Variants in METAP1 observed in about 807,000 individuals in gnomAD.
METAP1 encodes the protein methionyl aminopeptidase 1, also known as methionine aminopeptidase 1.
A neutral mutation model predicts 53.8 loss-of-function variants in METAP1; 28 were observed. The observed-to-expected ratio is 0.52, with a 90% confidence interval of 0.39 to 0.71. The LOEUF is 0.71. METAP1 is among the 30% of genes least tolerant of loss of function. The pLI is 0.00. For synonymous variants in METAP1, 181 were observed against 165.7 expected (o/e 1.09, Z -0.71); for missense variants, 389 against 479.8 (o/e 0.81, Z 1.77).
intron 6 of METAP1, among the ~76,000 whole-genome samples, chr4:99,042,191 A>G (rs1300370361): frequency 2.0e-5 from 3 of 151,990 alleles, no homozygotes; most frequent in Non-Finnish European, 4.4e-5. Flanking sequence ...GCTCTGAACT[A>G]TTATTTGTAA....
rs1247573301 is a variant in METAP1 at position 99,062,195 on chromosome 4, A to C, written c.*878A>C. On this transcript the variant is annotated 3_prime_UTR_variant, in exon 11 of 11. Transcript: ENST00000296411. ...GGCATACCTTGGAGGTGCTCAGAGA[A>C]GCGTGAAGTTTGCACTATGGTGGAG... The C allele has an allele frequency of 6.6e-6, 1 of 152,200 alleles. No homozygotes were observed. Among genetic ancestry groups the C allele is most frequent in the Non-Finnish European group, 1.5e-5 (1 of 68,042 alleles). The allele number at this position is 152,200 out of a possible 1,614,324, so 9.4% of individuals were successfully genotyped here. A position where few individuals can be genotyped will look rare whatever the true frequency, so the allele number is the denominator to read the frequency against.
chr4:99,039,333 T>G (rs747134001), intron 4 of METAP1, 41 bp from the exon 5 acceptor site: 5 of 1,159,612 alleles, frequency 4.3e-6, no homozygotes, highest in Non-Finnish European at 6.5e-6. Flanking sequence ...TACTACATCT[T>G]TGCATTCATT....
At chr4:99,000,160 A>G (rs1393232918) in intron 1 of METAP1, among the ~76,000 whole-genome samples, 2 of 152,130 alleles carry the variant, frequency 1.3e-5, no homozygotes, top group African/African-American at 4.8e-5. Context: ...TTGTTGATAC[A>G]CTCATTTATT....
At chr4:99,032,954 GTATAAA>G (rs1329359005) in intron 2 of METAP1, among the ~76,000 whole-genome samples, 3 of 152,112 alleles carry the variant, frequency 2.0e-5, no homozygotes, top group Non-Finnish European at 4.4e-5. Flanking sequence ...ATATGTGATA[GTATAAA>G]TATATTCTTT....
chr4:99,053,774 C>A (rs1035717786), intron 9 of METAP1, among the ~76,000 whole-genome samples: 2 of 152,120 alleles, frequency 1.3e-5, no homozygotes, highest in African/African-American at 4.8e-5. Context: ...CCTTGTACAT[C>A]TCTGTTAGAG....
intron 1 of METAP1, among the ~76,000 whole-genome samples, chr4:99,010,718 A>G (rs2110286067): frequency 6.6e-6 from 1 of 152,170 alleles, no homozygotes; most frequent in East Asian, 1.9e-4. Flanking sequence ...TGCCATTGGG[A>G]TTTGGTGAGG....
chr4:99,061,106 T>G (rs568241453), intron 10 of METAP1, 48 bp from the exon 11 acceptor site: 1 of 1,580,850 alleles, frequency 6.3e-7, no homozygotes, highest in African/African-American at 1.4e-5. Flanking sequence ...TTGATAGAGT[T>G]CATTTAGAAA....
chr4:99,058,383 C>T (rs1198260969), intron 10 of METAP1, among the ~76,000 whole-genome samples: 1 of 152,082 alleles, frequency 6.6e-6, no homozygotes, highest in South Asian at 2.1e-4. Context: ...CATGTCATCA[C>T]GTGGCATCAT....
intron 10 of METAP1, among the ~76,000 whole-genome samples, chr4:99,059,995 CTG>C (rs551670811): frequency 1.7e-4 from 26 of 152,314 alleles, no homozygotes; most frequent in Non-Finnish European, 1.9e-4. Flanking sequence ...TGTAATAAAA[CTG>C]TAAACATTTA....
chr4:99,021,396 G>T (rs1414461474), intron 1 of METAP1, among the ~76,000 whole-genome samples: 1 of 152,084 alleles, frequency 6.6e-6, no homozygotes, highest in Non-Finnish European at 1.5e-5. Context: ...CCTCTTACTG[G>T]GTGAGCCCTG....
intron 2 of METAP1, 61 bp from the exon 3 acceptor site, chr4:99,034,169 C>A (rs1725263875): frequency 9.6e-7 from 1 of 1,042,172 alleles, no homozygotes; most frequent in Non-Finnish European, 1.5e-6. Context: ...AGCTTGACCA[C>A]TGAAACATTC....
intron 1 of METAP1, chr4:99,026,645 C>T: frequency 3.0e-6 from 3 of 985,324 alleles, no homozygotes; most frequent in Non-Finnish European, 3.6e-6. Context: ...ATTAACTCTT[C>T]AGAGAATGGA....
intron 4 of METAP1, among the ~76,000 whole-genome samples, chr4:99,038,469 T>C (rs1383377835): frequency 6.6e-6 from 1 of 152,078 alleles, no homozygotes; most frequent in African/African-American, 2.4e-5. Flanking sequence ...GAATGATGAA[T>C]TGGATGAATA....
chr4:98,997,232 G>A (rs901120207), intron 1 of METAP1, among the ~76,000 whole-genome samples: 5 of 152,132 alleles, frequency 3.3e-5, no homozygotes, highest in Non-Finnish European at 4.4e-5. Flanking sequence ...CAATCTTTAC[G>A]TCACAATATT....
chr4:99,058,355 C>T (rs1452334647), intron 10 of METAP1, among the ~76,000 whole-genome samples: 2 of 152,066 alleles, frequency 1.3e-5, no homozygotes, highest in Non-Finnish European at 2.9e-5. Flanking sequence ...GCTGTTCTGA[C>T]CCTTCATGGT....
intron 1 of METAP1, among the ~76,000 whole-genome samples, chr4:99,015,365 T>C (rs1022672210): frequency 5.9e-5 from 9 of 152,184 alleles, no homozygotes; most frequent in Admixed American, 2.6e-4. Flanking sequence ...GGAGAAGGCG[T>C]ATTTCAAACC....
At position 99,048,929 on chromosome 4, in the gene METAP1, T is replaced by G; in HGVS notation, c.931+53T>G. The G allele has an allele frequency of 1.9e-6, 3 of 1,565,952 alleles. No homozygotes were observed. In the South Asian group the frequency reaches 3.4e-5, roughly 18 times the overall value. ...AGCTCACCATTTATTCAACAAATACTTATTCATACATTTAACAGTACCTAC... is the reference window on the plus strand; with the variant it reads ...AGCTCACCATTTATTCAACAAATACGTATTCATACATTTAACAGTACCTAC... On this transcript the variant is annotated intron_variant, in intron 9 of 10. Coordinates refer to ENST00000296411, the MANE Select transcript of METAP1 (RefSeq NM_015143.3).
chr4:99,033,615 G>A (rs1428926673), intron 2 of METAP1, among the ~76,000 whole-genome samples: 1 of 152,122 alleles, frequency 6.6e-6, no homozygotes, highest in Non-Finnish European at 1.5e-5. Context: ...TAAACAGACC[G>A]TTCCCTCCCT....
intron 1 of METAP1, among the ~76,000 whole-genome samples, chr4:99,009,595 T>A (rs996239286): frequency 1.6e-4 from 24 of 152,240 alleles, no homozygotes; most frequent in Non-Finnish European, 2.9e-5. Context: ...TCATAGAGAT[T>A]TTGATTTGCA....
Sources: allele counts gnomAD v4.1 joint callset (sites outside exome capture counted in the v4.1 genomes callset), GRCh38; gene constraint gnomAD v4.1.1; transcripts MANE v1.5; gene names NCBI Gene and HGNC (gene_info 2026-07-23, HGNC 2026-07-21).